Variants in LINGO2 observed in about 807,000 individuals in gnomAD.
LINGO2 encodes the protein leucine rich repeat and Ig domain containing 2.
LINGO2 carries 14 observed loss-of-function variants against 30.6 expected under a neutral mutation model. That is an observed-to-expected ratio of 0.46 (90% CI 0.30 to 0.72). LINGO2 has a LOEUF of 0.72. LINGO2 is among the 30% of genes least tolerant of loss of function. LINGO2 has a pLI of 0.07. For missense variants in LINGO2, 729 were observed against 751.7 expected, an observed-to-expected ratio of 0.97 and a Z score of 0.35; for synonymous variants, 317 against 288.5, an observed-to-expected ratio of 1.10 and a Z score of -1.00.
chr9:28,315,009 CAAAA>C (rs10715487), intron 3 of LINGO2, among the ~76,000 whole-genome samples: 7 of 120,558 alleles, frequency 5.8e-5, no homozygotes, highest in African/African-American at 6.2e-5. Flanking sequence ...GACTACGTCT[CAAAA>C]AAAAAAAAAA....
chr9:29,134,046 G>C, the LINGO2 span, among the ~76,000 whole-genome samples: 1 of 152,038 alleles, frequency 6.6e-6, no homozygotes, highest in Non-Finnish European at 1.5e-5. Context: ...TTCCATGCAG[G>C]ACATAAAATA....
At chr9:29,111,065 C>A in the LINGO2 span, among the ~76,000 whole-genome samples, 1 of 152,084 alleles carries the variant, frequency 6.6e-6, no homozygotes, top group Non-Finnish European at 1.5e-5. Context: ...TTATACAATA[C>A]CATAAAAGGG....
At chr9:28,739,855 T>C in the LINGO2 span, among the ~76,000 whole-genome samples, 3,846 of 151,240 alleles carry the variant, frequency 0.025, 167 homozygotes, top group African/African-American at 0.086. Context: ...TTTGAAGATA[T>C]TTGGGCCTAT....
At chr9:28,816,312 T>A in the LINGO2 span, among the ~76,000 whole-genome samples, 1 of 152,194 alleles carries the variant, frequency 6.6e-6, no homozygotes, top group African/African-American at 2.4e-5. Context: ...CTCTGAGCAA[T>A]TTTGCCAGGG....
chr9:28,531,884 T>C (rs1821249429), intron 1 of LINGO2, among the ~76,000 whole-genome samples: 4 of 152,146 alleles, frequency 2.6e-5, no homozygotes, highest in Admixed American at 2.0e-4. Flanking sequence ...ATGCACTGAA[T>C]TATTCATTTG....
chr9:28,629,213 G>A (rs898958537), intron 1 of LINGO2, among the ~76,000 whole-genome samples: 3 of 151,972 alleles, frequency 2.0e-5, no homozygotes, highest in African/African-American at 7.2e-5. Flanking sequence ...GTGATGTGCC[G>A]CTCCTGCTCA....
chr9:28,947,259 C>T, the LINGO2 span, among the ~76,000 whole-genome samples: 1 of 151,960 alleles, frequency 6.6e-6, no homozygotes, highest in Non-Finnish European at 1.5e-5. Context: ...TTAATTACAA[C>T]TCTTCATGGA....
At chr9:28,288,013 T>C (rs1401960169) in intron 4 of LINGO2, among the ~76,000 whole-genome samples, 1 of 152,166 alleles carries the variant, frequency 6.6e-6, no homozygotes, top group East Asian at 1.9e-4. Context: ...ACAGATACAA[T>C]AGGCTAGAAA....
intron 1 of LINGO2, among the ~76,000 whole-genome samples, chr9:28,509,916 T>TA (rs1244141707): frequency 1.3e-5 from 2 of 152,336 alleles, no homozygotes; most frequent in Admixed American, 1.3e-4. Flanking sequence ...TTTTTGAAGA[T>TA]AAACAAAACA....
intron 5 of LINGO2, among the ~76,000 whole-genome samples, chr9:28,001,649 C>CCA (rs1821960898): frequency 6.6e-6 from 1 of 151,658 alleles, no homozygotes; most frequent in East Asian, 1.9e-4. Context: ...AAAGATAGGA[C>CCA]CATTCGGAAA....
chr9:28,444,593 C>T (rs953209693), intron 2 of LINGO2, among the ~76,000 whole-genome samples: 1 of 152,250 alleles, frequency 6.6e-6, no homozygotes, highest in African/African-American at 2.4e-5. Context: ...CTGTATGTAA[C>T]ACCCTCTTTG....
the LINGO2 span, among the ~76,000 whole-genome samples, chr9:29,151,825 C>T: frequency 1.3e-5 from 2 of 152,120 alleles, no homozygotes. Context: ...CCAGTGACAG[C>T]ATTAGACAGA....
chr9:28,797,325 T>C, the LINGO2 span, among the ~76,000 whole-genome samples: 1 of 94,654 alleles, frequency 1.1e-5, no homozygotes, highest in African/African-American at 4.5e-5. Flanking sequence ...TGATATCATA[T>C]ATACATATAT....
the LINGO2 span, among the ~76,000 whole-genome samples, chr9:28,775,246 T>C: frequency 6.6e-6 from 1 of 152,164 alleles, no homozygotes; most frequent in South Asian, 2.1e-4. Context: ...GCCACCCATT[T>C]TCTAAAGCTG....
the LINGO2 span, among the ~76,000 whole-genome samples, chr9:28,694,952 G>GTTT: frequency 2.2e-5 from 3 of 133,426 alleles, no homozygotes; most frequent in Non-Finnish European, 3.2e-5. Context: ...TATCCTGACT[G>GTTT]TTTTTTTTTT....
chr9:28,404,287 C>T (rs1822400483), intron 2 of LINGO2, among the ~76,000 whole-genome samples: 1 of 151,840 alleles, frequency 6.6e-6, no homozygotes, highest in South Asian at 2.1e-4. Context: ...ATATGTTGCT[C>T]TTTTCTATAA....
intron 4 of LINGO2, among the ~76,000 whole-genome samples, chr9:28,192,439 C>T (rs918182523): frequency 5.9e-5 from 9 of 151,952 alleles, no homozygotes; most frequent in South Asian, 2.1e-4. Flanking sequence ...TCACTGATGC[C>T]GTGCCTACCT....
At chr9:29,114,901 G>C in the LINGO2 span, among the ~76,000 whole-genome samples, 1 of 151,944 alleles carries the variant, frequency 6.6e-6, no homozygotes, top group South Asian at 2.1e-4. Flanking sequence ...TAAGTGGCTG[G>C]TATCATCACT....
intron 1 of LINGO2, among the ~76,000 whole-genome samples, chr9:28,502,965 A>G (rs1819954986): frequency 6.6e-6 from 1 of 152,092 alleles, no homozygotes; most frequent in South Asian, 2.1e-4. Context: ...AAGACAATCA[A>G]TAGCCATGGC....
Sources: allele counts gnomAD v4.1 joint callset (sites outside exome capture counted in the v4.1 genomes callset), GRCh38; gene constraint gnomAD v4.1.1; transcripts MANE v1.5; gene names NCBI Gene and HGNC (gene_info 2026-07-23, HGNC 2026-07-21).